Variants in FER observed in about 807,000 individuals in gnomAD.
The protein encoded by FER is FER tyrosine kinase.
Under a neutral mutation model 111.0 loss-of-function variants are expected in FER, and 63 were observed. The observed-to-expected ratio is 0.57, with a 90% confidence interval of 0.46 to 0.70. FER has a LOEUF of 0.70. Among genes scored for constraint, FER ranks in the 30% least tolerant of loss-of-function variants. The probability of loss-of-function intolerance (pLI) is 0.00; values close to 1 mark genes in which losing one functional copy is unlikely to be tolerated. For synonymous variants in FER, 327 were observed against 313.9 expected (o/e 1.04, Z -0.44); for missense variants, 914 against 954.0 (o/e 0.96, Z 0.55).
intron 2 of FER, among the ~76,000 whole-genome samples, chr5:108,788,796 A>G (rs1188823415): frequency 6.6e-6 from 1 of 152,208 alleles, no homozygotes; most frequent in Non-Finnish European, 1.5e-5. Context: ...AGCTGAAACG[A>G]TTATAGTTTA....
intron 3 of FER, chr5:108,820,050 G>C: frequency 1.0e-6 from 1 of 985,280 alleles, no homozygotes; most frequent in Non-Finnish European, 1.2e-6. Context: ...GAATGGGAAA[G>C]AGTGGAGAGC....
chr5:109,071,334 C>G (rs1046133035), intron 16 of FER, among the ~76,000 whole-genome samples: 3 of 151,914 alleles, frequency 2.0e-5, no homozygotes, highest in Non-Finnish European at 2.9e-5. Context: ...AATTTTTTCT[C>G]TTCATAATTA....
intron 10 of FER, among the ~76,000 whole-genome samples, chr5:108,934,353 TC>T (rs1416338129): frequency 6.6e-6 from 1 of 152,206 alleles, no homozygotes; most frequent in Non-Finnish European, 1.5e-5. Context: ...GAAGGTTCCT[TC>T]TACCACTGAT....
chr5:109,140,585 T>G (rs1008188880), intron 17 of FER, among the ~76,000 whole-genome samples: 15 of 152,208 alleles, frequency 9.9e-5, no homozygotes, highest in African/African-American at 3.4e-4. Flanking sequence ...AGAAAAAAAA[T>G]TACTAAATAC....
At chr5:108,780,197 C>G (rs1753902122) in intron 2 of FER, among the ~76,000 whole-genome samples, 1 of 152,064 alleles carries the variant, frequency 6.6e-6, no homozygotes, top group South Asian at 2.1e-4. Context: ...CAGTACTTTT[C>G]TTTATATAGA....
chr5:109,181,848 C>A (rs1758325076), intron 18 of FER, among the ~76,000 whole-genome samples: 1 of 152,142 alleles, frequency 6.6e-6, no homozygotes, highest in Non-Finnish European at 1.5e-5. Context: ...CCTCTAGTTT[C>A]AAAACATTTT....
chr5:108,884,519 T>TTTTG (rs971472310), intron 9 of FER, among the ~76,000 whole-genome samples: 3 of 151,740 alleles, frequency 2.0e-5, no homozygotes, highest in Non-Finnish European at 2.9e-5. Context: ...CTGGTTTTTT[T>TTTTG]TTTGTTTGTT....
intron 10 of FER, among the ~76,000 whole-genome samples, chr5:108,901,853 A>G (rs1032522483): frequency 6.6e-5 from 10 of 152,134 alleles, no homozygotes; most frequent in Non-Finnish European, 1.3e-4. Context: ...CAGGAGTTTG[A>G]GGTAAAAGGA....
chr5:108,843,191 C>T (rs928668474), intron 5 of FER, among the ~76,000 whole-genome samples: 8 of 152,184 alleles, frequency 5.3e-5, no homozygotes, highest in Non-Finnish European at 1.0e-4. Flanking sequence ...TGGATTACTT[C>T]ACTTAGAATA....
intron 16 of FER, among the ~76,000 whole-genome samples, chr5:109,096,167 C>T (rs1747484702): frequency 6.6e-6 from 1 of 151,988 alleles, no homozygotes; most frequent in Non-Finnish European, 1.5e-5. Context: ...ATCAAATTTT[C>T]ACAGCACAGA....
chr5:108,975,517 G>T (rs1293581209), intron 13 of FER, among the ~76,000 whole-genome samples: 2 of 152,170 alleles, frequency 1.3e-5, no homozygotes, highest in Non-Finnish European at 2.9e-5. Flanking sequence ...GAAGGGAAAA[G>T]GTGCCAAATA....
At chr5:109,154,419 A>G (rs1755152698) in intron 17 of FER, among the ~76,000 whole-genome samples, 1 of 151,972 alleles carries the variant, frequency 6.6e-6, no homozygotes, top group Non-Finnish European at 1.5e-5. Context: ...TAGGAAAGAT[A>G]AGATAAATAA....
chr5:108,980,386 A>G (rs1321163128), intron 13 of FER, among the ~76,000 whole-genome samples: 2 of 152,160 alleles, frequency 1.3e-5, no homozygotes, highest in African/African-American at 4.8e-5. Flanking sequence ...AAAATTTACA[A>G]AGGTCTAAAA....
intron 16 of FER, among the ~76,000 whole-genome samples, chr5:109,062,697 T>C (rs1038055683): frequency 6.6e-6 from 1 of 152,156 alleles, no homozygotes; most frequent in African/African-American, 2.4e-5. Context: ...ACACCTGTGC[T>C]GACTCTGGGA....
At position 108,994,479 on chromosome 5, in the gene FER, C is replaced by T. The variant is rs919071002; in HGVS notation, c.1656+35132C>T. ...GTTCCATTGGTCTTTGTGTCTGTTT[C>T]TGTACCAGTACCATGCTGTTTTGGT... is the stretch of plus-strand genomic sequence containing the variant. On this transcript the variant is annotated intron_variant, in intron 13 of 19. Transcript: ENST00000281092. 7.2e-5 allele frequency among the ~76,000 whole-genome samples: 11 copies of T among 152,044 alleles called. 1 individual carries two copies. Among genetic ancestry groups the T allele is most frequent in the Admixed American group, 2.6e-4 (4 of 15,252 alleles).
At chr5:108,946,080 C>T (rs1290425152) in intron 10 of FER, 50 bp from the exon 11 acceptor site, 1 of 1,248,802 alleles carries the variant, frequency 8.0e-7, no homozygotes, top group Middle Eastern at 1.9e-4. Flanking sequence ...AATGTCTATA[C>T]ATATTGGATA....
intron 10 of FER, among the ~76,000 whole-genome samples, chr5:108,913,667 A>G (rs1751863231): frequency 6.6e-6 from 1 of 152,224 alleles, no homozygotes; most frequent in Non-Finnish European, 1.5e-5. Flanking sequence ...TATACTCAAT[A>G]GAAATACATA....
At chr5:108,997,694 G>C (rs1764178026) in intron 13 of FER, among the ~76,000 whole-genome samples, 1 of 152,074 alleles carries the variant, frequency 6.6e-6, no homozygotes, top group South Asian at 2.1e-4. Flanking sequence ...AGAGCCATCA[G>C]GCAGGGACGG....
intron 13 of FER, among the ~76,000 whole-genome samples, chr5:109,007,873 C>T (rs1765701411): frequency 6.6e-6 from 1 of 152,152 alleles, no homozygotes; most frequent in African/African-American, 2.4e-5. Context: ...TGCATTCCTA[C>T]CAACTGCGTG....
Sources: gnomAD v4.1 joint callset for allele counts (sites outside exome capture counted in the v4.1 genomes callset) on GRCh38, gnomAD v4.1.1 for gene constraint, MANE v1.5 for transcripts, NCBI Gene and HGNC (gene_info 2026-07-23, HGNC 2026-07-21) for gene names.